Variants in EPHB2 observed in about 807,000 individuals in gnomAD.
The protein encoded by EPHB2 is ephrin type-B receptor 2.
Under a neutral mutation model 96.4 loss-of-function variants are expected in EPHB2, and 18 were observed. The ratio of observed to expected loss-of-function variants is 0.19; its 90% CI spans 0.13 to 0.28. The LOEUF (loss-of-function observed/expected upper bound fraction) is 0.28. EPHB2 is among the 10% of genes least tolerant of loss of function. The pLI is 1.00. For missense variants in EPHB2, 989 were observed against 1,355.4 expected (o/e 0.73, Z 4.25); for synonymous variants, 506 against 534.1 (o/e 0.95, Z 0.72).
chr1:22,839,958 C>T (rs868695470), intron 3 of EPHB2, among the ~76,000 whole-genome samples: 156 of 152,270 alleles, frequency 1.0e-3, no homozygotes, highest in African/African-American at 3.6e-3. Context: ...GCTGGGAGCC[C>T]GGATAGGGCA....
intron 3 of EPHB2, among the ~76,000 whole-genome samples, chr1:22,838,954 A>G (rs753924562): frequency 2.4e-4 from 24 of 99,090 alleles, no homozygotes; most frequent in Admixed American, 4.7e-4. Flanking sequence ...AAACAAAAAA[A>G]GAAAAAAAGA....
chr1:22,811,686 C>T (rs755207731), intron 3 of EPHB2, among the ~76,000 whole-genome samples: 4 of 152,196 alleles, frequency 2.6e-5, no homozygotes, highest in South Asian at 2.1e-4. Context: ...GTAGTTCTTT[C>T]GGACCATGTA....
At chr1:22,818,229 G>A (rs1411030982) in intron 3 of EPHB2, among the ~76,000 whole-genome samples, 1 of 151,914 alleles carries the variant, frequency 6.6e-6, no homozygotes, top group African/African-American at 2.4e-5. Context: ...AGCCCCCCAC[G>A]ACCTCTTCTT....
intron 3 of EPHB2, among the ~76,000 whole-genome samples, chr1:22,840,928 A>C (rs1486934739): frequency 6.6e-6 from 1 of 152,196 alleles, no homozygotes; most frequent in African/African-American, 2.4e-5. Flanking sequence ...AGGCACAGAA[A>C]GATACCCAAA....
chr1:22,803,270 G>A (rs992593057), intron 3 of EPHB2, among the ~76,000 whole-genome samples: 9 of 152,070 alleles, frequency 5.9e-5, no homozygotes, highest in Non-Finnish European at 1.2e-4. Flanking sequence ...AGCTGCAGCC[G>A]CTGTGGAGTT....
chr1:22,716,831 C>T (rs1327586610), intron 1 of EPHB2, among the ~76,000 whole-genome samples: 5 of 152,214 alleles, frequency 3.3e-5, no homozygotes, highest in African/African-American at 9.6e-5. Flanking sequence ...GCAGGGGACC[C>T]ATGCTCCCAC....
intron 1 of EPHB2, among the ~76,000 whole-genome samples, chr1:22,713,234 C>T (rs1448698777): frequency 1.3e-5 from 2 of 152,132 alleles, no homozygotes; most frequent in Non-Finnish European, 2.9e-5. Context: ...GAAGTTAGTC[C>T]ATCAGTGGTT....
At chr1:22,808,146 AAG>A (rs1644953800) in intron 3 of EPHB2, among the ~76,000 whole-genome samples, 1 of 152,032 alleles carries the variant, frequency 6.6e-6, no homozygotes, top group African/African-American at 2.4e-5. Flanking sequence ...AAAAAAGAAA[AAG>A]AAAAAGAAAA....
At position 22,710,914 on chromosome 1, in the gene EPHB2, G is replaced by GGC. The variant is rs1283567883; in HGVS notation, c.-62_-61dup. On this transcript the variant is annotated 5_prime_UTR_variant, in exon 1 of 16. Transcript: ENST00000374630. The stretch of plus-strand genomic sequence containing the variant: ...GCCCCCCCTGGCCCCCCGAGCCCGG[G>GGC]GCGCGCGCTCCCGCCCGGGCCGTCC... The GGC allele has an allele frequency of 6.8e-6, 1 of 146,536 alleles. No individual in the cohort carries two copies. The allele number at this position is 146,536 out of a possible 1,614,324, so 9.1% of individuals were successfully genotyped here.
intron 6 of EPHB2, among the ~76,000 whole-genome samples, chr1:22,886,936 A>G (rs1450851707): frequency 6.6e-6 from 1 of 152,008 alleles, no homozygotes; most frequent in Non-Finnish European, 1.5e-5. Flanking sequence ...AGCAAAGTCT[A>G]TATTTTAAAG....
intron 3 of EPHB2, among the ~76,000 whole-genome samples, chr1:22,803,715 G>A (rs140843161): frequency 0.076 from 11,265 of 147,662 alleles, 1,361 homozygotes; most frequent in African/African-American, 0.26. Context: ...ATGTATATGT[G>A]TATATATATG....
At chr1:22,749,115 G>A (rs1255834888) in intron 1 of EPHB2, among the ~76,000 whole-genome samples, 1 of 151,604 alleles carries the variant, frequency 6.6e-6, no homozygotes, top group Non-Finnish European at 1.5e-5. Context: ...CCGCCTCCTG[G>A]GTTCAAGTGA....
intron 3 of EPHB2, among the ~76,000 whole-genome samples, chr1:22,810,385 G>A (rs540599846): frequency 6.6e-6 from 1 of 152,268 alleles, no homozygotes; most frequent in South Asian, 2.1e-4. Flanking sequence ...CTTGGCCATT[G>A]AGCCTCCCCT....
At chr1:22,715,264 A>G (rs865916638) in intron 1 of EPHB2, among the ~76,000 whole-genome samples, 1 of 152,192 alleles carries the variant, frequency 6.6e-6, no homozygotes, top group African/African-American at 2.4e-5. Context: ...TACCAAGGGG[A>G]TGGCTTGAGT....
At chr1:22,907,192 G>T (rs1432628536) in intron 11 of EPHB2, among the ~76,000 whole-genome samples, 1 of 152,212 alleles carries the variant, frequency 6.6e-6, no homozygotes. Flanking sequence ...TGGTTCCCCA[G>T]GAAGCCACAA....
At chr1:22,716,704 C>T (rs1046323228) in intron 1 of EPHB2, among the ~76,000 whole-genome samples, 7 of 152,242 alleles carry the variant, frequency 4.6e-5, no homozygotes, top group Admixed American at 2.0e-4. Context: ...TCAACTCTGC[C>T]TGCCCAGAGC....
intron 1 of EPHB2, among the ~76,000 whole-genome samples, chr1:22,714,235 C>A (rs541886290): frequency 6.6e-6 from 1 of 152,142 alleles, no homozygotes; most frequent in Non-Finnish European, 1.5e-5. Flanking sequence ...CCCCCCGGGG[C>A]GGCAGGTGCA....
chr1:22,747,187 A>C (rs1274651290), intron 1 of EPHB2, among the ~76,000 whole-genome samples: 1 of 152,210 alleles, frequency 6.6e-6, no homozygotes, highest in Non-Finnish European at 1.5e-5. Flanking sequence ...CACCGGACTG[A>C]GGGCCCAAGC....
intron 4 of EPHB2, 120 bp downstream of exon 4, chr1:22,863,312 GA>G (rs1638344542): frequency 6.6e-7 from 1 of 1,522,748 alleles, no homozygotes; most frequent in Admixed American, 1.9e-5. Flanking sequence ...GGTGGGAAGA[GA>G]AATGGAAAAG....
Sources: gnomAD v4.1 joint callset for allele counts (sites outside exome capture counted in the v4.1 genomes callset) on GRCh38, gnomAD v4.1.1 for gene constraint, MANE v1.5 for transcripts, NCBI Gene and HGNC (gene_info 2026-07-23, HGNC 2026-07-21) for gene names.